Variants in SLC5A6 observed in about 807,000 individuals in gnomAD.
The protein encoded by SLC5A6 is solute carrier family 5 member 6, also known as sodium-dependent multivitamin transporter.
A neutral mutation model predicts 67.9 loss-of-function variants in SLC5A6; 31 were observed. The ratio of observed to expected loss-of-function variants is 0.46; its 90% CI spans 0.34 to 0.62. The LOEUF is 0.62. SLC5A6 is among the 20% of genes least tolerant of loss of function. The pLI is 0.01. For synonymous variants in SLC5A6, 343 were observed against 331.0 expected (o/e 1.04, Z -0.39); for missense variants, 673 against 812.8 (o/e 0.83, Z 2.09).
Position 27,207,257 on chromosome 2 carries a change from C to T in SLC5A6, c.393+1G>A. ...CACTTCTCCCTTCTGTCCCTGCTCA[C>T]CTCATAGGCACTGGTGAGATGCAGG... On this transcript the variant is annotated splice_donor_variant, in intron 3 of 16. Coordinates refer to ENST00000310574, the MANE Select transcript of SLC5A6 (RefSeq NM_021095.4). LOFTEE classifies it high-confidence loss of function. This position sits in a 1 kb window ranked among gnomAD's most constrained non-coding sequence, Gnocchi z 5.5. The T allele has an allele frequency of 6.2e-7, 1 of 1,613,680 alleles. No homozygotes were observed. The highest frequency in any genetic ancestry group is 8.5e-7 in the Non-Finnish European group (1 of 1,179,856).
In SLC5A6 at chr2:27,201,427, G is replaced by T; in HGVS notation, c.1571C>A (p.Ser524Tyr). 6.2e-7 allele frequency: 1 copy of T among 1,613,190 alleles called. No individual in the cohort carries two copies. Among genetic ancestry groups the T allele is most frequent in the South Asian group, 1.1e-5 (1 of 91,054 alleles). Reference protein sequence around the residue: ...SKPTGLQRFYSLSYLWYSAHN... With the variant: ...SKPTGLQRFYYLSYLWYSAHN... ...AGCACTGTACCATAAGTAAGACAAG[G>T]AATAGAACCGCTGCAGCCCTGTGGG... Residue 524 changes from serine (S) to tyrosine (Y), a missense_variant, in exon 15 of 17, where the codon TCC becomes TAC. Ser to Tyr is a moderately radical substitution (Grantham distance 144, BLOSUM62 -2). Transcript: ENST00000310574.
chr2:27,203,998 G>A, intron 9 of SLC5A6, 131 bp from the exon 10 acceptor site: 1 of 661,922 alleles, frequency 1.5e-6, no homozygotes, highest in South Asian at 1.9e-5. Context: ...GGGAAGCCAG[G>A]GCCTGGGGCA....
intron 12 of SLC5A6, 110 bp downstream of exon 12, chr2:27,202,703 T>TA: frequency 4.2e-6 from 4 of 952,934 alleles, no homozygotes; most frequent in Non-Finnish European, 1.7e-6. Flanking sequence ...GGGAATCTCT[T>TA]ACGCCTGCCC....
chr2:27,202,699 C>G (rs1294265551), intron 12 of SLC5A6, 114 bp downstream of exon 12: 1 of 916,484 alleles, frequency 1.1e-6, no homozygotes, highest in Non-Finnish European at 1.8e-6. Flanking sequence ...AAAGGGGAAT[C>G]TCTTACGCCT....
intron 2 of SLC5A6, among the ~76,000 whole-genome samples, chr2:27,210,781 T>C (rs1161637789): frequency 6.6e-6 from 1 of 151,974 alleles, no homozygotes; most frequent in Non-Finnish European, 1.5e-5. Context: ...CCCAGCACTT[T>C]GGGAGGCCGA....
chr2:27,205,145 T>A (rs1673960365), intron 7 of SLC5A6: 1 of 702,394 alleles, frequency 1.4e-6, no homozygotes, highest in Non-Finnish European at 2.3e-6. Flanking sequence ...CAGGTACTCA[T>A]CCCAGGTAAT....
At chr2:27,212,319 G>GGGCCGCGGGGCCGGGTCGC, upstream of SLC5A6, 1 of 1,549,260 alleles carries the variant, frequency 6.5e-7, no homozygotes, top group East Asian at 2.4e-5. Flanking sequence ...CTGCGGGGCG[G>GGGCCGCGGGGCCGGGTCGC]GGCCGCGGGG....
chr2:27,201,577 C>T (rs1572382510), intron 14 of SLC5A6, 89 bp downstream of exon 14: 3 of 1,423,104 alleles, frequency 2.1e-6, no homozygotes, highest in Non-Finnish European at 2.9e-6. Context: ...TCCCTGGGGC[C>T]TCTGGTGGCC....
rs1673514623 is a variant in SLC5A6, at chr2:27,200,255, A to G, written c.*181T>C. On this transcript the variant is annotated 3_prime_UTR_variant, in exon 17 of 17. Transcript: ENST00000310574. ...AGCGACGAGAAAAACGGTGCCTCACATGCTTGAGATGTGACAGCTTCTCCT... is the reference window on the plus strand; with the variant it reads ...AGCGACGAGAAAAACGGTGCCTCACGTGCTTGAGATGTGACAGCTTCTCCT... The G allele has an allele frequency of 1.9e-6, 1 of 519,460 alleles. No individual in the cohort carries two copies. The highest frequency in any genetic ancestry group is 3.3e-6 in the Non-Finnish European group (1 of 305,942). 32.2% of individuals were successfully genotyped at this position (519,460 alleles called of 1,614,324 possible).
Position 27,201,740 on chromosome 2 carries a change from C to T in SLC5A6, c.1470G>A (p.Gly490=). 6.2e-7 allele frequency: 1 copy of T among 1,614,148 alleles called. No individual in the cohort carries two copies. ...GATTGGTGGGCAGGGAGAAGCTGGA[C>T]CCATTAGAGGGAGAGGGTGGCATGC... The part of the protein sequence containing the change: ...GSSMPPSPSN[G]SSFSLPTNLT... Residue 490 remains glycine (G), a synonymous_variant, in exon 14 of 17, where the codon GGG becomes GGA. Transcript: ENST00000310574.
upstream of SLC5A6, chr2:27,212,395 T>C (rs1427812550): frequency 6.4e-7 from 1 of 1,551,192 alleles, no homozygotes; most frequent in African/African-American, 1.4e-5. Context: ...CGGGTAGTCT[T>C]ACGACCCTGG....
chr2:27,211,985 C>CCTGCCCGCCCA, intron 1 of SLC5A6, 35 bp downstream of exon 1: 1 of 594,630 alleles, frequency 1.7e-6, no homozygotes, highest in Admixed American at 4.4e-5. Context: ...CTGCCCGCCC[C>CCTGCCCGCCCA]CTGCCCGCCC....
chr2:27,212,275 C>T, upstream of SLC5A6: 1 of 1,555,112 alleles, frequency 6.4e-7, no homozygotes, highest in Non-Finnish European at 8.7e-7. Context: ...GACCGGGCCG[C>T]TTAGGCCACG....
chr2:27,204,420 G>A (rs1673892832), intron 9 of SLC5A6, 41 bp downstream of exon 9: 1 of 1,576,830 alleles, frequency 6.3e-7, no homozygotes, highest in Admixed American at 1.8e-5. Context: ...CTGTTGTGGG[G>A]CCAGGCCTGC....
chr2:27,207,970 G>A lies in SLC5A6; in HGVS notation c.-140-180C>T, dbSNP rs538465590. ...AAGTGAGGGAGAAGCATCAGAGTGC[G>A]ACAGCCAGGAGACAATATAACTTGG... On this transcript the variant is annotated intron_variant, in intron 2 of 16. Transcript: ENST00000310574. This position sits in a 1 kb window ranked among gnomAD's most constrained non-coding sequence, Gnocchi z 5.5. Among the ~76,000 whole-genome samples the A allele has an allele frequency of 2.1e-4, 32 of 152,320 alleles. No individual in the cohort carries two copies. Among genetic ancestry groups the A allele is most frequent in the Middle Eastern group, 3.4e-3 (1 of 294 alleles).
chr2:27,203,762 A>G lies in SLC5A6; in HGVS notation c.1094+17T>C, dbSNP rs1458520441. ...GTCAGGTGCACCAGGCCTGAGGGAA[A>G]TCGTTAAAGTGGGTACCTGAGAGAG... is the stretch of plus-strand genomic sequence containing the variant. On this transcript the variant is annotated intron_variant, in intron 10 of 16. Transcript: ENST00000310574. 4.4e-6 allele frequency: 7 copies of G among 1,601,104 alleles called. No individual in the cohort carries two copies. Among genetic ancestry groups the G allele is most frequent in the Non-Finnish European group, 6.0e-6 (7 of 1,168,144 alleles).
chr2:27,211,991 C>T, intron 1 of SLC5A6, 29 bp downstream of exon 1: 1 of 617,168 alleles, frequency 1.6e-6, no homozygotes, highest in Non-Finnish European at 2.6e-6. Flanking sequence ...GCCCCCTGCC[C>T]GCCCCGCTCG....
chr2:27,203,111 G>A, intron 11 of SLC5A6, 122 bp downstream of exon 11: 14 of 1,532,318 alleles, frequency 9.1e-6, no homozygotes, highest in Non-Finnish European at 1.2e-5. Context: ...GGAAGGTTGT[G>A]TGCTTCATTA....
chr2:27,206,946 G>C lies in SLC5A6; in HGVS notation c.394-4C>G, dbSNP rs750038118. ...TATTGAATCGAAGCTCCAGGTACTG[G>C]GTATACAGAAAAAAAGATTTTTCTC... On this transcript the variant is annotated splice_polypyrimidine_tract_variant and splice_region_variant and intron_variant, in intron 3 of 16. Transcript: ENST00000310574. 6.2e-7 allele frequency: 1 copy of C among 1,611,450 alleles called. No individual in the cohort carries two copies. Among genetic ancestry groups the C allele is most frequent in the Non-Finnish European group, 8.5e-7 (1 of 1,177,726 alleles).
Sources: gnomAD v4.1 joint callset for allele counts (sites outside exome capture counted in the v4.1 genomes callset) on GRCh38, gnomAD v4.1.1 for gene constraint, Gnocchi (gnomAD v3.1) non-coding constraint, MANE v1.5 for transcripts, NCBI Gene and HGNC (gene_info 2026-07-23, HGNC 2026-07-21) for gene names.